Variants in ST6GALNAC3 observed in about 807,000 individuals in gnomAD.
ST6GALNAC3 encodes the protein alpha-N-acetylgalactosaminide alpha-2,6-sialyltransferase 3.
ST6GALNAC3 carries 25 observed loss-of-function variants against 32.7 expected under a neutral mutation model. The observed-to-expected ratio is 0.76, with a 90% CI of 0.56 to 1.07. The LOEUF is 1.07. Ranked by LOEUF, ST6GALNAC3 falls within the 50% of genes least tolerant of loss-of-function variation. The probability of loss-of-function intolerance (pLI) is 0.00; values close to 1 mark genes in which losing one functional copy is unlikely to be tolerated. For synonymous variants in ST6GALNAC3, 129 were observed against 133.1 expected (o/e 0.97, Z 0.21); for missense variants, 355 against 382.4 (o/e 0.93, Z 0.60).
At chr1:76,201,178 A>T (rs1444324066) in intron 1 of ST6GALNAC3, among the ~76,000 whole-genome samples, 1 of 152,188 alleles carries the variant, frequency 6.6e-6, no homozygotes, top group East Asian at 1.9e-4. Flanking sequence ...GCTGATAAAG[A>T]CATTCCTGAG....
intron 3 of ST6GALNAC3, among the ~76,000 whole-genome samples, chr1:76,604,850 C>A (rs1490701803): frequency 2.6e-5 from 4 of 152,110 alleles, no homozygotes; most frequent in African/African-American, 9.7e-5. Flanking sequence ...CATCTTCTTG[C>A]ATTTATTTTG....
At chr1:76,548,517 C>G (rs1466330627) in intron 3 of ST6GALNAC3, among the ~76,000 whole-genome samples, 1 of 152,072 alleles carries the variant, frequency 6.6e-6, no homozygotes, top group African/African-American at 2.4e-5. Context: ...ATGCCCCAGG[C>G]AGGATGACAT....
chr1:76,623,364 T>C (rs1331891966), intron 3 of ST6GALNAC3, among the ~76,000 whole-genome samples: 1 of 151,932 alleles, frequency 6.6e-6, no homozygotes, highest in Non-Finnish European at 1.5e-5. Context: ...GCCTTTATTT[T>C]CCCCTGCATG....
chr1:76,077,576 T>G (rs1437415473), intron 1 of ST6GALNAC3, among the ~76,000 whole-genome samples: 1 of 152,160 alleles, frequency 6.6e-6, no homozygotes, highest in East Asian at 1.9e-4. Flanking sequence ...AAAGGGGGTT[T>G]GGGCTGGGGC....
At chr1:76,499,300 T>C (rs527960962) in intron 3 of ST6GALNAC3, among the ~76,000 whole-genome samples, 4 of 152,300 alleles carry the variant, frequency 2.6e-5, no homozygotes, top group African/African-American at 7.2e-5. Flanking sequence ...TGTAACCTAT[T>C]AGTAATGTCT....
intron 3 of ST6GALNAC3, among the ~76,000 whole-genome samples, chr1:76,444,097 C>T (rs1557891345): frequency 6.6e-6 from 1 of 152,210 alleles, no homozygotes; most frequent in African/African-American, 2.4e-5. Context: ...TTATGACAGA[C>T]TTGGTCAACT....
intron 3 of ST6GALNAC3, among the ~76,000 whole-genome samples, chr1:76,560,724 C>T (rs1468634623): frequency 1.3e-5 from 2 of 152,160 alleles, no homozygotes; most frequent in African/African-American, 4.8e-5. Flanking sequence ...AACCCTTGCA[C>T]ACTGTTGGTG....
chr1:76,528,724 AGTGAGGCAATG>A (rs1177820547), intron 3 of ST6GALNAC3, among the ~76,000 whole-genome samples: 1 of 151,782 alleles, frequency 6.6e-6, no homozygotes, highest in African/African-American at 2.4e-5. Context: ...CCATGCCTGA[AGTGAGGCAATG>A]GTGGTCCACA....
chr1:76,201,137 A>G (rs960017828), intron 1 of ST6GALNAC3, among the ~76,000 whole-genome samples: 1 of 152,222 alleles, frequency 6.6e-6, no homozygotes, highest in African/African-American at 2.4e-5. Flanking sequence ...AGAGTTAATC[A>G]TTGAGTTGTG....
At chr1:76,458,329 A>AT (rs1658004737) in intron 3 of ST6GALNAC3, among the ~76,000 whole-genome samples, 2 of 70,252 alleles carry the variant, frequency 2.8e-5, no homozygotes, top group South Asian at 6.9e-4. Flanking sequence ...CAGTGTGGCG[A>AT]TTCCTCAGGG....
intron 1 of ST6GALNAC3, among the ~76,000 whole-genome samples, chr1:76,304,754 C>T (rs1046495685): frequency 1.3e-5 from 2 of 152,004 alleles, no homozygotes; most frequent in Non-Finnish European, 1.5e-5. Flanking sequence ...TCATTATCAT[C>T]GTAGTCATTT....
At chr1:76,428,884 G>C (rs1265105211) in intron 3 of ST6GALNAC3, among the ~76,000 whole-genome samples, 1 of 152,046 alleles carries the variant, frequency 6.6e-6, no homozygotes, top group Non-Finnish European at 1.5e-5. Flanking sequence ...TATATGCGGA[G>C]ACATTAGTGA....
chr1:76,534,125 C>A (rs2101829206), intron 3 of ST6GALNAC3, among the ~76,000 whole-genome samples: 1 of 152,258 alleles, frequency 6.6e-6, no homozygotes, highest in East Asian at 1.9e-4. Context: ...TCACTGCAAC[C>A]TCCACCTCCT....
chr1:76,456,050 T>C (rs531980056), intron 3 of ST6GALNAC3, among the ~76,000 whole-genome samples: 1 of 152,228 alleles, frequency 6.6e-6, no homozygotes, highest in Admixed American at 6.5e-5. Flanking sequence ...TCTGCACCTG[T>C]AGTCCCAGCT....
chr1:76,144,376 C>T (rs1650540534), intron 1 of ST6GALNAC3, among the ~76,000 whole-genome samples: 1 of 152,186 alleles, frequency 6.6e-6, no homozygotes, highest in South Asian at 2.1e-4. Flanking sequence ...CAGACCTAAC[C>T]ACTTCTACTC....
chr1:76,118,885 C>T (rs903158050), intron 1 of ST6GALNAC3, among the ~76,000 whole-genome samples: 2 of 152,088 alleles, frequency 1.3e-5, no homozygotes, highest in African/African-American at 4.8e-5. Flanking sequence ...TGCAGTGGTA[C>T]GATCTTGGCT....
rs144226136 is a variant in ST6GALNAC3, at chr1:76,607,023, G to A, written c.624-20429G>A. Among the ~76,000 whole-genome samples, 473 of 152,210 alleles carry A rather than the reference G, an allele frequency of 3.1e-3. 3 individuals carry two copies. The highest frequency in any genetic ancestry group is 0.011 in the African/African-American group (441 of 41,528). On this transcript the variant is annotated intron_variant, in intron 3 of 4. Transcript: ENST00000328299. ...CTTCAAATGCCAGTTGCAGACCTGG[G>A]CCTCTCATAATTTCTGACCAACCAA...
chr1:76,496,988 T>C (rs2101712609), intron 3 of ST6GALNAC3, among the ~76,000 whole-genome samples: 1 of 152,250 alleles, frequency 6.6e-6, no homozygotes, highest in Non-Finnish European at 1.5e-5. Flanking sequence ...AAGTTGAAAA[T>C]TTTGGTATTC....
At chr1:76,575,328 C>T (rs7536613) in intron 3 of ST6GALNAC3, among the ~76,000 whole-genome samples, 68,820 of 151,946 alleles carry the variant, frequency 0.45, 16,945 homozygotes, top group East Asian at 0.58. Context: ...GTCCTATCCT[C>T]TTATGCCCTT....
Sources: allele counts gnomAD v4.1 joint callset (sites outside exome capture counted in the v4.1 genomes callset), GRCh38; gene constraint gnomAD v4.1.1; transcripts MANE v1.5; gene names NCBI Gene and HGNC (gene_info 2026-07-23, HGNC 2026-07-21).